Variants in UHRF1 observed in about 807,000 individuals in gnomAD.
UHRF1 encodes the protein E3 ubiquitin-protein ligase UHRF1.
In UHRF1, 9 loss-of-function variants were observed where a neutral mutation model predicts 96.5. The observed-to-expected ratio is 0.09, with a 90% CI of 0.06 to 0.16. The LOEUF is 0.16. UHRF1 is among the 10% of genes least tolerant of loss of function. The pLI is 1.00. For missense variants in UHRF1, 626 were observed against 1,131.1 expected (o/e 0.55, Z 6.40); for synonymous variants, 455 against 469.9 (o/e 0.97, Z 0.41).
chr19:4,947,122 C>T lies in UHRF1; in HGVS notation c.1428C>T (p.Phe476=), dbSNP rs1328973563. 9 of 1,585,760 alleles carry T rather than the reference C, an allele frequency of 5.7e-6. No homozygotes were observed. Among genetic ancestry groups the T allele is most frequent in the South Asian group, 1.1e-5 (1 of 90,560 alleles). ...YEDDVDHGNF[F]TYTGSGGRDL... ...TGTTTCAGGACCATGGGAATTTTTT[C>T]ACATACACGGGTAGTGGTGGTCGAG... The change falls in exon 11 of 17, where the codon TTC becomes TTT. Residue 476 remains phenylalanine, a synonymous_variant. Transcript: ENST00000650932.
intron 4 of UHRF1, among the ~76,000 whole-genome samples, chr19:4,932,026 G>T (rs1312027657): frequency 1.3e-5 from 2 of 152,020 alleles, no homozygotes; most frequent in South Asian, 4.1e-4. Context: ...CTGCCTCCCG[G>T]GTTCAAGCAA....
In UHRF1 at chr19:4,930,631, G is replaced by T; in HGVS notation, c.409-85G>T. The T allele has an allele frequency of 6.7e-7, 1 of 1,486,988 alleles. No homozygotes were observed. Among genetic ancestry groups the T allele is most frequent in the Non-Finnish European group, 9.1e-7 (1 of 1,094,758 alleles). The allele number at this position is 1,486,988 out of a possible 1,614,324, so 92.1% of individuals were successfully genotyped here. A position where few individuals can be genotyped will look rare whatever the true frequency, so the allele number is the denominator to read the frequency against. ...TTCGAGTTTGCGCCCTGGTTCCAGA[G>T]CATCCCAGTGTCCGAGAACCAAGGT... On this transcript the variant is annotated intron_variant, in intron 3 of 16. Transcript: ENST00000650932. This position sits in a 1 kb window ranked among gnomAD's most constrained non-coding sequence, Gnocchi z 4.4.
chr19:4,904,328 G>A (rs568220325), intron 1 of UHRF1, among the ~76,000 whole-genome samples: 1 of 152,050 alleles, frequency 6.6e-6, no homozygotes, highest in Admixed American at 6.6e-5. Flanking sequence ...ACAGGCGTCC[G>A]CCACAAATGC....
intron 5 of UHRF1, among the ~76,000 whole-genome samples, chr19:4,933,613 C>T (rs2033127018): frequency 1.3e-5 from 2 of 152,158 alleles, no homozygotes; most frequent in African/African-American, 2.4e-5. Context: ...CATGAAGGTT[C>T]TCCCTCCTCT....
chr19:4,929,070 G>A (rs1424905750), intron 2 of UHRF1, among the ~76,000 whole-genome samples, 152 bp from the exon 3 acceptor site: 1 of 152,086 alleles, frequency 6.6e-6, no homozygotes, highest in Non-Finnish European at 1.5e-5. Context: ...ACAGCCCCCT[G>A]GCATGGCCCA....
intron 15 of UHRF1, among the ~76,000 whole-genome samples, chr19:4,955,832 C>G (rs892749612): frequency 1.3e-5 from 2 of 152,204 alleles, no homozygotes; most frequent in Non-Finnish European, 2.9e-5. Flanking sequence ...GGAGCTCACC[C>G]TGTCACCCAG....
Position 4,930,629 on chromosome 19 carries a change from G to C in UHRF1, c.409-87G>C. 2.0e-6 allele frequency: 3 copies of C among 1,487,196 alleles called. No homozygotes were observed. The highest frequency in any genetic ancestry group is 4.9e-5 in the East Asian group (2 of 40,866). The allele number at this position is 1,487,196 out of a possible 1,614,324, so 92.1% of individuals were successfully genotyped here. Reference sequence around the variant, plus strand: ...CATTCGAGTTTGCGCCCTGGTTCCAGAGCATCCCAGTGTCCGAGAACCAAG... The same window carrying C: ...CATTCGAGTTTGCGCCCTGGTTCCACAGCATCCCAGTGTCCGAGAACCAAG... On this transcript the variant is annotated intron_variant, in intron 3 of 16. Coordinates refer to ENST00000650932, the MANE Select transcript of UHRF1 (RefSeq NM_001048201.3). The surrounding 1 kb of genome is among the most constrained non-coding windows in gnomAD (Gnocchi z 4.4).
chr19:4,942,442 G>A (rs2033435495), intron 7 of UHRF1, among the ~76,000 whole-genome samples: 1 of 151,592 alleles, frequency 6.6e-6, no homozygotes, highest in Non-Finnish European at 1.5e-5. Context: ...CGTCCGTTTC[G>A]GCCTCCCAAA....
chr19:4,951,034 A>G, intron 13 of UHRF1, 38 bp downstream of exon 13: 2 of 1,548,164 alleles, frequency 1.3e-6, no homozygotes, highest in South Asian at 2.4e-5. Context: ...TGGGAGGCCA[A>G]GGCGGATGGA....
chr19:4,955,276 G>A (rs1478221877), intron 15 of UHRF1, among the ~76,000 whole-genome samples: 3 of 152,134 alleles, frequency 2.0e-5, no homozygotes, highest in Non-Finnish European at 4.4e-5. Flanking sequence ...GCCCTCCTGG[G>A]GGCTCCAGGG....
intron 5 of UHRF1, among the ~76,000 whole-genome samples, chr19:4,936,416 A>T (rs1272255006): frequency 6.6e-6 from 1 of 152,064 alleles, no homozygotes. Context: ...CTGAGACAAC[A>T]CGCGAGGATG....
upstream of UHRF1, among the ~76,000 whole-genome samples, chr19:4,908,100 T>C (rs1462031725): frequency 6.6e-6 from 1 of 152,194 alleles, no homozygotes; most frequent in Non-Finnish European, 1.5e-5. Flanking sequence ...ATTAGGACCT[T>C]TTAAGGACAT....
chr19:4,911,105 C>T lies in UHRF1; in HGVS notation c.153+67C>T, dbSNP rs1220625591. 4.3e-6 allele frequency: 6 copies of T among 1,396,068 alleles called. No homozygotes were observed. In the East Asian group the frequency reaches 7.8e-5, roughly 18 times the overall value. The allele number at this position is 1,396,068 out of a possible 1,614,324, so 86.5% of individuals were successfully genotyped here. On this transcript the variant is annotated intron_variant, in intron 2 of 16. Transcript: ENST00000650932. The stretch of plus-strand genomic sequence containing the variant: ...GCCTCGCGCCTCTGCAGCCACCAGC[C>T]GATACTTTCTCCCTCCCACCTCCCC...
intron 2 of UHRF1, among the ~76,000 whole-genome samples, chr19:4,922,607 T>C (rs2032737442): frequency 6.6e-6 from 1 of 152,230 alleles, no homozygotes; most frequent in Non-Finnish European, 1.5e-5. Context: ...ACTGACCATG[T>C]TTTCTCTCAC....
rs1437092221 is a variant in UHRF1, at chr19:4,954,568, C to T, written c.1957+80C>T. ...CATCTCGCGGGTGTGGGGTTGAGGT[C>T]GTGTGGACGTGGGAGCCGGTGGCTG... On this transcript the variant is annotated intron_variant, in intron 14 of 16. Coordinates refer to ENST00000650932, the MANE Select transcript of UHRF1 (RefSeq NM_001048201.3). This position sits in a 1 kb window ranked among gnomAD's most constrained non-coding sequence, Gnocchi z 5.9. The T allele has an allele frequency of 8.8e-6, 14 of 1,586,170 alleles. No individual in the cohort carries two copies. The highest frequency in any genetic ancestry group is 1.7e-4 in the Middle Eastern group (1 of 5,902).
intron 16 of UHRF1, among the ~76,000 whole-genome samples, chr19:4,957,745 G>A (rs753784175): frequency 6.6e-5 from 10 of 152,128 alleles, no homozygotes; most frequent in Admixed American, 6.5e-5. Flanking sequence ...CAGCATCCCC[G>A]GCCCCCACCC....
intron 1 of UHRF1, chr19:4,910,216 G>A (rs1462989842): frequency 1.3e-5 from 2 of 151,462 alleles, no homozygotes; most frequent in Admixed American, 1.3e-4. Flanking sequence ...GGGTTTGGAG[G>A]GGCGCGAGCT....
At chr19:4,915,495 C>T (rs556671364) in intron 2 of UHRF1, among the ~76,000 whole-genome samples, 1 of 152,266 alleles carries the variant, frequency 6.6e-6, no homozygotes, top group East Asian at 1.9e-4. Context: ...AGGCGGATCA[C>T]CTGAGGTCAG....
In UHRF1 at chr19:4,954,834, C is replaced by T. The variant is rs373714042; in HGVS notation, c.2130+12C>T. 30 of 1,611,160 alleles carry T rather than the reference C, an allele frequency of 1.9e-5. No individual in the cohort carries two copies. Among genetic ancestry groups the T allele is most frequent in the African/African-American group, 2.7e-5 (2 of 74,840 alleles). On this transcript the variant is annotated intron_variant, in intron 15 of 16. Coordinates refer to ENST00000650932, the MANE Select transcript of UHRF1 (RefSeq NM_001048201.3). This position sits in a 1 kb window ranked among gnomAD's most constrained non-coding sequence, Gnocchi z 5.9. ...CGAGCGGCAGCCCGGTAGGCTCGCA[C>T]GGCTCACTCGTCGCCCTGATTTGCG... is the stretch of plus-strand genomic sequence containing the variant.
Sources: allele counts gnomAD v4.1 joint callset (sites outside exome capture counted in the v4.1 genomes callset), GRCh38; gene constraint gnomAD v4.1.1; non-coding constraint Gnocchi (gnomAD v3.1); transcripts MANE v1.5; gene names NCBI Gene and HGNC (gene_info 2026-07-23, HGNC 2026-07-21).